Variants in TMEM131 observed in about 807,000 individuals in gnomAD.
TMEM131 encodes 2610524E03Rik.
In TMEM131, 66 loss-of-function variants were observed where a neutral mutation model predicts 211.6. The observed-to-expected ratio is 0.31, with a 90% CI of 0.26 to 0.38. The LOEUF is 0.38. TMEM131 is among the 10% of genes least tolerant of loss of function. TMEM131 has a pLI of 1.00. For synonymous variants in TMEM131, 844 were observed against 841.3 expected (o/e 1.00, Z -0.06); for missense variants, 2,036 against 2,299.3 (o/e 0.89, Z 2.34).
intron 1 of TMEM131, among the ~76,000 whole-genome samples, chr2:97,970,691 G>T (rs1300249419): frequency 6.6e-5 from 10 of 152,174 alleles, no homozygotes; most frequent in Non-Finnish European, 1.5e-5. Context: ...CAGGATTGTG[G>T]CCAGAGAAGA....
At chr2:97,965,567 C>G (rs60828800) in intron 1 of TMEM131, among the ~76,000 whole-genome samples, 1 of 152,100 alleles carries the variant, frequency 6.6e-6, no homozygotes, top group Non-Finnish European at 1.5e-5. Flanking sequence ...CACTTACTAC[C>G]AAGGGCCACG....
At chr2:97,929,071 C>T (rs1012961190) in intron 1 of TMEM131, among the ~76,000 whole-genome samples, 1 of 151,482 alleles carries the variant, frequency 6.6e-6, no homozygotes, top group African/African-American at 2.4e-5. Context: ...TATTATTTTC[C>T]AATAAAAGAA....
At chr2:97,935,532 T>C (rs934381297) in intron 1 of TMEM131, among the ~76,000 whole-genome samples, 11 of 152,214 alleles carry the variant, frequency 7.2e-5, no homozygotes, top group Non-Finnish European at 1.5e-4. Context: ...AATGGGTTAA[T>C]ATTTATAATA....
At chr2:97,943,026 GA>G (rs11353340) in intron 1 of TMEM131, among the ~76,000 whole-genome samples, 3,674 of 80,474 alleles carry the variant, frequency 0.046, 138 homozygotes, top group African/African-American at 0.09. Flanking sequence ...GAAAAGAAAA[GA>G]AAAGAAAAGA....
rs368873438 is a variant in TMEM131, at chr2:97,759,111, C to A, written c.5207-58G>T. On this transcript the variant is annotated intron_variant, in intron 39 of 40. Coordinates refer to ENST00000186436, the MANE Select transcript of TMEM131 (RefSeq NM_015348.2). ...TTTGGTTTTGCCATGATCACTATAG[C>A]ATATGGGGCTTCACTCAATGGCATA... 1.0e-5 allele frequency: 16 copies of A among 1,600,788 alleles called. No individual in the cohort carries two copies. In the East Asian group the frequency reaches 1.1e-4, roughly 11 times the overall value.
chr2:97,951,023 T>C (rs1678286352), intron 1 of TMEM131, among the ~76,000 whole-genome samples: 1 of 152,126 alleles, frequency 6.6e-6, no homozygotes, highest in Admixed American at 6.5e-5. Flanking sequence ...TTTACCAGAG[T>C]TGCACATTTT....
chr2:97,817,562 A>G (rs1681889994), intron 12 of TMEM131, among the ~76,000 whole-genome samples: 1 of 152,260 alleles, frequency 6.6e-6, no homozygotes, highest in African/African-American at 2.4e-5. Flanking sequence ...TTACTGTGGC[A>G]TTAATGTCTT....
intron 31 of TMEM131, among the ~76,000 whole-genome samples, chr2:97,776,464 T>G (rs563995241): frequency 7.9e-4 from 120 of 152,346 alleles, no homozygotes; most frequent in Non-Finnish European, 1.4e-3. Context: ...TCTTCTCTAA[T>G]TAAAGCTTTC....
At chr2:97,939,203 A>G (rs1677594880) in intron 1 of TMEM131, among the ~76,000 whole-genome samples, 1 of 152,202 alleles carries the variant, frequency 6.6e-6, no homozygotes, top group African/African-American at 2.4e-5. Flanking sequence ...GGAGATACAG[A>G]CAAAAAAAAC....
intron 32 of TMEM131, among the ~76,000 whole-genome samples, chr2:97,774,546 T>C (rs1679623656): frequency 6.6e-6 from 1 of 152,078 alleles, no homozygotes; most frequent in African/African-American, 2.4e-5. Flanking sequence ...GGATGTGAGT[T>C]CTGAGCTGCA....
At chr2:97,905,607 C>G (rs1193285265) in intron 3 of TMEM131, among the ~76,000 whole-genome samples, 1 of 152,172 alleles carries the variant, frequency 6.6e-6, no homozygotes, top group African/African-American at 2.4e-5. Flanking sequence ...CTGTCACTGT[C>G]TTCAAACTCA....
chr2:97,995,788 G>A lies in TMEM131; in HGVS notation c.-126C>T. On this transcript the variant is annotated 5_prime_UTR_variant, in exon 1 of 41. Transcript: ENST00000186436. Reference sequence around the variant, plus strand: ...CGGGAGCGACAACGGTTGCGAGCCCGGGGCTCGATCTCCGAGCGTGGGCCT... The same window carrying A: ...CGGGAGCGACAACGGTTGCGAGCCCAGGGCTCGATCTCCGAGCGTGGGCCT... The A allele has an allele frequency of 1.6e-6, 1 of 624,384 alleles. No individual in the cohort carries two copies. The highest frequency in any genetic ancestry group is 2.1e-6 in the Non-Finnish European group (1 of 466,192). The allele number at this position is 624,384 out of a possible 1,614,324, so 38.7% of individuals were successfully genotyped here.
intron 4 of TMEM131, among the ~76,000 whole-genome samples, chr2:97,871,918 A>G (rs1416024440): frequency 6.7e-6 from 1 of 149,464 alleles, no homozygotes; most frequent in Non-Finnish European, 1.5e-5. Flanking sequence ...AACATTTAAC[A>G]GCACTGGCAT....
At chr2:97,899,287 C>T (rs72942873) in intron 3 of TMEM131, among the ~76,000 whole-genome samples, 5 of 152,022 alleles carry the variant, frequency 3.3e-5, no homozygotes, top group Non-Finnish European at 7.4e-5. Flanking sequence ...TGCATACTTA[C>T]GAAGAAGTGT....
chr2:97,881,213 T>C (rs892139548), intron 4 of TMEM131, among the ~76,000 whole-genome samples: 1 of 151,590 alleles, frequency 6.6e-6, no homozygotes. Flanking sequence ...GTATCTGGCA[T>C]AGAAGATGGG....
intron 11 of TMEM131, among the ~76,000 whole-genome samples, chr2:97,822,703 T>C (rs1682188292): frequency 6.6e-6 from 1 of 152,132 alleles, no homozygotes; most frequent in Admixed American, 6.5e-5. Flanking sequence ...CTAGTGTTTC[T>C]GCTGCTGCGT....
chr2:97,834,231 A>G (rs1682838739), intron 10 of TMEM131, among the ~76,000 whole-genome samples: 1 of 152,216 alleles, frequency 6.6e-6, no homozygotes, highest in African/African-American at 2.4e-5. Flanking sequence ...CAGCTGCAAC[A>G]AACTTTCAAC....
At position 97,954,621 on chromosome 2, in the gene TMEM131, A is replaced by C. The variant is rs7564773; in HGVS notation, c.188-27134T>G. On this transcript the variant is annotated intron_variant, in intron 1 of 40. Transcript: ENST00000186436. ...GGAGTTCGAGACCAGCCTTACCAAC[A>C]TGGTGAAAACCCATCTCTACTAAAA... Among the ~76,000 whole-genome samples, 950 of 151,920 alleles carry C rather than the reference A, an allele frequency of 6.3e-3. 14 individuals carry two copies. Among genetic ancestry groups the C allele is most frequent in the African/African-American group, 0.02 (828 of 41,476 alleles).
At chr2:97,925,060 C>T (rs1284712161) in intron 2 of TMEM131, among the ~76,000 whole-genome samples, 2 of 152,012 alleles carry the variant, frequency 1.3e-5, no homozygotes, top group African/African-American at 2.4e-5. Flanking sequence ...TTTGTAGAGA[C>T]AAGGTTTCCC....
Sources: allele counts gnomAD v4.1 joint callset (sites outside exome capture counted in the v4.1 genomes callset), GRCh38; gene constraint gnomAD v4.1.1; transcripts MANE v1.5; gene names NCBI Gene and HGNC (gene_info 2026-07-23, HGNC 2026-07-21).